INSR: variants seen among roughly 807,000 people sequenced by gnomAD.
INSR encodes IR.
In INSR, 67 loss-of-function variants were observed where a neutral mutation model predicts 142.6. The ratio of observed to expected loss-of-function variants is 0.47; its 90% CI spans 0.39 to 0.58. The LOEUF is 0.58. INSR is among the 20% of genes least tolerant of loss of function. The pLI, the probability that INSR is intolerant of heterozygous loss-of-function variation, is 0.00. For missense variants in INSR, 1,248 were observed against 1,833.2 expected, an observed-to-expected ratio of 0.68 and a Z score of 5.83; for synonymous variants, 756 against 743.1, an observed-to-expected ratio of 1.02 and a Z score of -0.28.
chr19:7,189,620 C>T (rs1285739486), intron 2 of INSR, among the ~76,000 whole-genome samples: 1 of 151,714 alleles, frequency 6.6e-6, no homozygotes, highest in Non-Finnish European at 1.5e-5. Flanking sequence ...GATAGTTTAT[C>T]AACCTGCACT....
intron 2 of INSR, among the ~76,000 whole-genome samples, chr19:7,252,405 CA>C (rs59355272): frequency 6.3e-5 from 9 of 143,540 alleles, no homozygotes; most frequent in East Asian, 2.0e-4. Flanking sequence ...GACTCCATCT[CA>C]AAAAAAAAAC....
chr19:7,180,928 T>A (rs750874769), intron 3 of INSR, among the ~76,000 whole-genome samples: 2 of 152,062 alleles, frequency 1.3e-5, no homozygotes, highest in Non-Finnish European at 2.9e-5. Flanking sequence ...ACATGGCATA[T>A]GATCAGATGA....
At chr19:7,169,594 A>G (rs1421326155) in intron 6 of INSR, among the ~76,000 whole-genome samples, 2 of 151,626 alleles carry the variant, frequency 1.3e-5, no homozygotes, top group Admixed American at 6.6e-5. Context: ...AAAAAAAAAA[A>G]AAAAGAAGCT....
intron 2 of INSR, among the ~76,000 whole-genome samples, chr19:7,197,580 GTGTGT>G (rs1974799824): frequency 3.4e-4 from 7 of 20,682 alleles, no homozygotes; most frequent in Non-Finnish European, 6.0e-4. Context: ...GTGTTTGGGT[GTGTGT>G]GTGTGTGTGT....
At chr19:7,285,857 GACA>G (rs1968332693) in intron 1 of INSR, among the ~76,000 whole-genome samples, 1 of 152,028 alleles carries the variant, frequency 6.6e-6, no homozygotes, top group South Asian at 2.1e-4. Flanking sequence ...AGGGAGTTTG[GACA>G]ACAACGAGAC....
intron 2 of INSR, among the ~76,000 whole-genome samples, chr19:7,190,481 T>TC (rs1324256570): frequency 6.7e-6 from 1 of 150,182 alleles, no homozygotes. Flanking sequence ...CAAGCAATTC[T>TC]CTGCCTCAGC....
At chr19:7,142,565 G>A (rs890371499) in intron 12 of INSR, among the ~76,000 whole-genome samples, 2 of 151,554 alleles carry the variant, frequency 1.3e-5, no homozygotes, top group Non-Finnish European at 2.9e-5. Flanking sequence ...CGTGGTGGCA[G>A]ACACCTGTAG....
At position 7,292,520 on chromosome 19, in the gene INSR, G is replaced by C; in HGVS notation, c.100+1272C>G. Among the ~76,000 whole-genome samples, 5 of 151,856 alleles carry C rather than the reference G, an allele frequency of 3.3e-5. No homozygotes were observed. The East Asian group carries it at 7.8e-4, about 24-fold the overall frequency. Reference sequence around the variant, plus strand: ...TAGACATTATGTGATTGACAGAGTCGACTCAGCAAACCCGGTTGGTCCACT... The same window carrying C: ...TAGACATTATGTGATTGACAGAGTCCACTCAGCAAACCCGGTTGGTCCACT... On this transcript the variant is annotated intron_variant, in intron 1 of 21. Coordinates refer to ENST00000302850, the MANE Select transcript of INSR (RefSeq NM_000208.4).
chr19:7,174,320 T>C (rs554659071), intron 4 of INSR, among the ~76,000 whole-genome samples: 4 of 151,566 alleles, frequency 2.6e-5, no homozygotes, highest in Non-Finnish European at 5.9e-5. Context: ...TAAAAATAAA[T>C]GTAAATGCAG....
intron 13 of INSR, among the ~76,000 whole-genome samples, chr19:7,137,960 CTTT>C (rs1568438649): frequency 2.0e-5 from 3 of 146,876 alleles, no homozygotes; most frequent in African/African-American, 7.4e-5. Flanking sequence ...CTTCTTTTTT[CTTT>C]TTCTTTTTTT....
chr19:7,184,685 A>AATAC, intron 2 of INSR, 48 bp from the exon 3 acceptor site: 1 of 1,097,974 alleles, frequency 9.1e-7, no homozygotes, highest in Non-Finnish European at 1.2e-6. Context: ...TAAATAAATA[A>AATAC]ATAAATAAAT....
Position 7,267,547 on chromosome 19 carries a change from A to G in INSR, c.450T>C (p.Asn150=), listed in dbSNP as rs779672557. The change falls in exon 2 of 22, where the codon AAT becomes AAC. Residue 150 remains asparagine, a synonymous_variant. Coordinates refer to ENST00000302850, the MANE Select transcript of INSR (RefSeq NM_000208.4). The surrounding 1 kb of genome is among the most constrained non-coding windows in gnomAD (Gnocchi z 6.3). The stretch of plus-strand genomic sequence containing the variant: ...CGATAGTGGCCAAGTAACAGAGCTC[A>G]TTGTTCTTCTCGATGCGGACAGAAC... ...TRGSVRIEKN[N]ELCYLATIDW... 2.5e-6 allele frequency: 4 copies of G among 1,613,498 alleles called. No homozygotes were observed. In the South Asian group the frequency reaches 4.4e-5, roughly 18 times the overall value.
Position 7,174,589 on chromosome 19 carries a change from C to G in INSR, c.1117G>C (p.Gly373Arg), listed in dbSNP as rs1974092830. The change falls in exon 4 of 22, where the codon GGA becomes CGA. Residue 373 changes from glycine to arginine, a missense_variant. Coordinates refer to ENST00000302850, the MANE Select transcript of INSR (RefSeq NM_000208.4). ...CCCACACAGAGACACTCACTGCCTCCTCGAATGTTGATGATCAGACTCCCG... is the reference window on the plus strand; with the variant it reads ...CCCACACAGAGACACTCACTGCCTCGTCGAATGTTGATGATCAGACTCCCG... Reference protein sequence around the residue: ...INGSLIINIRGGNNLAAELEA... With the variant: ...INGSLIINIRRGNNLAAELEA... 1 of 1,614,014 alleles carries G rather than the reference C, an allele frequency of 6.2e-7. No individual in the cohort carries two copies. The highest frequency in any genetic ancestry group is 1.3e-5 in the African/African-American group (1 of 75,024).
At chr19:7,266,212 TAGG>T (rs1453211226) in intron 2 of INSR, among the ~76,000 whole-genome samples, 1 of 152,042 alleles carries the variant, frequency 6.6e-6, no homozygotes, top group Non-Finnish European at 1.5e-5. Context: ...CCTCCAAAGC[TAGG>T]AGGAGTGGCC....
rs1972447585 is a variant in INSR at position 7,119,956 on chromosome 19, TA to T, written c.3660-374del. Among the ~76,000 whole-genome samples, 1 of 152,112 alleles carries T rather than the reference TA, an allele frequency of 6.6e-6. No homozygotes were observed. Among genetic ancestry groups the T allele is most frequent in the South Asian group, 2.1e-4 (1 of 4,828 alleles). Reference sequence around the variant, plus strand: ...GGTTTCTAGAACATGGTTAGCCACTTAATAAAACAATTCATGCTGCAGTTCA... The same window carrying T: ...GGTTTCTAGAACATGGTTAGCCACTTATAAAACAATTCATGCTGCAGTTCA... On this transcript the variant is annotated intron_variant, in intron 20 of 21. Transcript: ENST00000302850. The surrounding 1 kb of genome is among the most constrained non-coding windows in gnomAD (Gnocchi z 5.2).
chr19:7,195,687 T>C (rs1974725766), intron 2 of INSR, among the ~76,000 whole-genome samples: 2 of 150,540 alleles, frequency 1.3e-5, no homozygotes, highest in Admixed American at 1.3e-4. Context: ...TAAAAGCCAA[T>C]GTTGGGAAAG....
intron 2 of INSR, among the ~76,000 whole-genome samples, chr19:7,232,265 A>G (rs1976002539): frequency 6.6e-6 from 1 of 152,014 alleles, no homozygotes; most frequent in Non-Finnish European, 1.5e-5. Context: ...CGGCTGGAGT[A>G]CAATGGCCTG....
rs202053464 is a variant in INSR at position 7,153,094 on chromosome 19, TACAC to T, written c.2030-171_2030-168del. ...CACACATCACACAACACACCACACA[TACAC>T]ACACCACAAACACACAACCACACAC... On this transcript the variant is annotated intron_variant, in intron 9 of 21. Transcript: ENST00000302850. Among the ~76,000 whole-genome samples, 3,539 of 12,436 alleles carry T rather than the reference TACAC, an allele frequency of 0.28. 675 individuals are homozygous for T. The highest frequency in any genetic ancestry group is 0.76 in the East Asian group (956 of 1,254). The allele number at this position is 12,436 out of a possible 152,430, so 8.2% of individuals were successfully genotyped here.
chr19:7,122,818 C>A, intron 18 of INSR, 45 bp from the exon 19 acceptor site: 2 of 1,613,718 alleles, frequency 1.2e-6, no homozygotes, highest in Non-Finnish European at 1.7e-6. Flanking sequence ...CACTGGGATC[C>A]GAGGAGGCCA....
Sources: gnomAD v4.1 joint callset for allele counts (sites outside exome capture counted in the v4.1 genomes callset) on GRCh38, gnomAD v4.1.1 for gene constraint, Gnocchi (gnomAD v3.1) non-coding constraint, MANE v1.5 for transcripts, NCBI Gene and HGNC (gene_info 2026-07-23, HGNC 2026-07-21) for gene names.